The following GRK4 variants were observed in gnomAD, a reference collection of about 807,000 sequenced individuals.
GRK4 encodes G protein-coupled receptor kinase 4.
Under a neutral mutation model 77.9 loss-of-function variants are expected in GRK4, and 73 were observed. That is an observed-to-expected ratio of 0.94 (90% CI 0.78 to 1.14). The LOEUF (loss-of-function observed/expected upper bound fraction) is 1.14, where lower values mean the gene tolerates loss of function less well. GRK4 is among the 50% of genes most tolerant of loss of function. The pLI is 0.00. For synonymous variants in GRK4, 257 were observed against 254.4 expected (o/e 1.01, Z -0.10); for missense variants, 729 against 700.2 (o/e 1.04, Z -0.46).
rs115515318 is a variant in GRK4, at chr4:2,972,211, T to C, written c.52+8089T>C. On this transcript the variant is annotated intron_variant, in intron 1 of 15. Transcript: ENST00000398052. ...AATCCTCTGACAGTTTTCAACCCAGTATGCTGCCCAGACTTTAGTGTCTGT... is the reference window on the plus strand; with the variant it reads ...AATCCTCTGACAGTTTTCAACCCAGCATGCTGCCCAGACTTTAGTGTCTGT... 3.5e-3 allele frequency among the ~76,000 whole-genome samples: 529 copies of C among 152,296 alleles called. 5 individuals are homozygous for C. Among genetic ancestry groups the C allele is most frequent in the African/African-American group, 9.2e-3 (381 of 41,566 alleles).
chr4:2,981,152 G>A (rs980921324), intron 1 of GRK4, among the ~76,000 whole-genome samples: 2 of 152,272 alleles, frequency 1.3e-5, no homozygotes, highest in African/African-American at 4.8e-5. Context: ...GGGTGTCACA[G>A]CCTTGGCTGG....
intron 5 of GRK4, among the ~76,000 whole-genome samples, chr4:3,005,910 A>G (rs61377156): frequency 0.01 from 1,553 of 152,208 alleles, 28 homozygotes; most frequent in African/African-American, 0.036. Context: ...GGTGGTTTAG[A>G]TGCTTATTCC....
intron 8 of GRK4, among the ~76,000 whole-genome samples, chr4:3,015,219 A>G (rs1734087281): frequency 1.3e-5 from 2 of 152,198 alleles, no homozygotes; most frequent in African/African-American, 2.4e-5. Context: ...TGTAGCAGCT[A>G]CTGAAGTATG....
intron 1 of GRK4, among the ~76,000 whole-genome samples, chr4:2,981,791 A>G (rs775265064): frequency 1.3e-5 from 2 of 152,094 alleles, no homozygotes; most frequent in Non-Finnish European, 2.9e-5. Flanking sequence ...GCCCCTTTCT[A>G]CCCAGGAGCC....
intron 2 of GRK4, among the ~76,000 whole-genome samples, chr4:2,985,605 A>G (rs1724072142): frequency 6.6e-6 from 1 of 152,110 alleles, no homozygotes; most frequent in African/African-American, 2.4e-5. Context: ...TCTTCAGGAA[A>G]GGATTAGTCA....
At chr4:2,975,305 A>C (rs1383064580) in intron 1 of GRK4, among the ~76,000 whole-genome samples, 1 of 152,174 alleles carries the variant, frequency 6.6e-6, no homozygotes, top group African/African-American at 2.4e-5. Context: ...CTGTCTCAAA[A>C]AAAGACCGGA....
rs115624865 is a variant in GRK4 at position 3,003,432 on chromosome 4, C to T, written c.340-799C>T. Among the ~76,000 whole-genome samples, 532 of 152,166 alleles carry T rather than the reference C, an allele frequency of 3.5e-3. 5 individuals carry two copies. Among genetic ancestry groups the T allele is most frequent in the African/African-American group, 9.3e-3 (385 of 41,518 alleles). ...TCTTGAACTCCTGACCTCAACTGATCCACATAACTCTGCCTCCCAAAGTGC... is the reference window on the plus strand; with the variant it reads ...TCTTGAACTCCTGACCTCAACTGATTCACATAACTCTGCCTCCCAAAGTGC... On this transcript the variant is annotated intron_variant, in intron 4 of 15. Coordinates refer to ENST00000398052, the MANE Select transcript of GRK4 (RefSeq NM_182982.3).
At chr4:3,037,616 A>G in intron 14 of GRK4, 105 bp downstream of exon 14, 1 of 1,330,072 alleles carries the variant, frequency 7.5e-7, no homozygotes, top group Non-Finnish European at 1.0e-6. Flanking sequence ...TGTATTTGGG[A>G]GATAAAATTA....
At chr4:2,965,768 G>A in intron 1 of GRK4, 1 of 357,246 alleles carries the variant, frequency 2.8e-6, no homozygotes, top group South Asian at 2.6e-5. Context: ...TGGGTGGGAA[G>A]AGAATGGGAT....
At chr4:2,995,964 C>T (rs1197091862) in intron 4 of GRK4, among the ~76,000 whole-genome samples, 1 of 152,144 alleles carries the variant, frequency 6.6e-6, no homozygotes, top group African/African-American at 2.4e-5. Context: ...GTCTAGGGAC[C>T]ACTAGCAAGT....
At chr4:3,014,199 G>T (rs1052796323) in intron 8 of GRK4, among the ~76,000 whole-genome samples, 1 of 151,608 alleles carries the variant, frequency 6.6e-6, no homozygotes, top group Non-Finnish European at 1.5e-5. Context: ...GCCAGCCAGA[G>T]CTTATCTCTG....
intron 3 of GRK4, 112 bp downstream of exon 3, chr4:2,988,951 G>C: frequency 1.5e-6 from 1 of 665,086 alleles, no homozygotes; most frequent in Non-Finnish European, 2.7e-6. Context: ...TTGGAAGGCT[G>C]AGGCGGGCGG....
At chr4:2,996,683 T>C (rs1728027366) in intron 4 of GRK4, among the ~76,000 whole-genome samples, 1 of 151,934 alleles carries the variant, frequency 6.6e-6, no homozygotes, top group South Asian at 2.1e-4. Flanking sequence ...TAGAGAGATG[T>C]TTATGGGCTG....
At chr4:2,987,214 T>C (rs1200932436) in intron 2 of GRK4, 3 of 478,408 alleles carry the variant, frequency 6.3e-6, no homozygotes, top group Non-Finnish European at 1.2e-5. Context: ...AATCATAAAC[T>C]ATGTGGTCTT....
At chr4:3,019,608 C>T (rs757952139) in intron 8 of GRK4, 33 bp from the exon 9 acceptor site, 27 of 1,534,312 alleles carry the variant, frequency 1.8e-5, no homozygotes, top group Non-Finnish European at 2.3e-5. Flanking sequence ...AGAGCAAGTT[C>T]GTGTTCTGTT....
chr4:3,011,461 A>G (rs1307771636), intron 7 of GRK4, among the ~76,000 whole-genome samples: 1 of 152,190 alleles, frequency 6.6e-6, no homozygotes, highest in Non-Finnish European at 1.5e-5. Context: ...AGAAGATAAG[A>G]AAGACTCAGT....
At chr4:3,039,327 C>T (rs1741746102) in intron 15 of GRK4, among the ~76,000 whole-genome samples, 1 of 152,208 alleles carries the variant, frequency 6.6e-6, no homozygotes, top group South Asian at 2.1e-4. Context: ...CGTGGGCCAT[C>T]CTACTTTGCA....
chr4:3,037,081 G>A (rs1578424143), intron 13 of GRK4, among the ~76,000 whole-genome samples: 1 of 112,166 alleles, frequency 8.9e-6, no homozygotes, highest in African/African-American at 4.4e-5. Context: ...ATGTGTGTGT[G>A]TATGTGTGTG....
intron 1 of GRK4, among the ~76,000 whole-genome samples, chr4:2,978,339 G>A (rs1177084945): frequency 1.3e-5 from 2 of 152,128 alleles, no homozygotes; most frequent in African/African-American, 4.8e-5. Flanking sequence ...TGAGCTAATC[G>A]ATTCTATTGT....
Sources: gnomAD v4.1 joint callset for allele counts (sites outside exome capture counted in the v4.1 genomes callset) on GRCh38, gnomAD v4.1.1 for gene constraint, MANE v1.5 for transcripts, NCBI Gene and HGNC (gene_info 2026-07-23, HGNC 2026-07-21) for gene names.